The following PLEKHA4 variants were observed in gnomAD, a reference collection of about 807,000 sequenced individuals.
PLEKHA4 encodes the protein pleckstrin homology domain containing A4, also known as pleckstrin homology domain-containing family A member 4.
PLEKHA4 carries 73 observed loss-of-function variants against 94.7 expected under a neutral mutation model. The ratio of observed to expected loss-of-function variants is 0.77; its 90% CI spans 0.64 to 0.94. The LOEUF (loss-of-function observed/expected upper bound fraction) is 0.94. Among genes scored for constraint, PLEKHA4 ranks in the 40% least tolerant of loss-of-function variants. The pLI is 0.00. For missense variants in PLEKHA4, 1,049 were observed against 1,054.1 expected (o/e 1.00, Z 0.07); for synonymous variants, 449 against 437.1 (o/e 1.03, Z -0.34).
rs1369379148 is a variant in PLEKHA4, at chr19:48,856,880, CAGAG to C, written c.1047+538_1047+541del. Among the ~76,000 whole-genome samples, 36 of 106,850 alleles carry C rather than the reference CAGAG, an allele frequency of 3.4e-4. No individual in the cohort carries two copies. The Admixed American group carries it at 5.0e-3, about 15-fold the overall frequency. The allele number at this position is 106,850 out of a possible 152,430, so 70.1% of individuals were successfully genotyped here. On this transcript the variant is annotated intron_variant, in intron 9 of 19. Transcript: ENST00000263265. Reference sequence around the variant, plus strand: ...CACCACTGCACTCCAGCCTGGGCGACAGAGAGAGACCCCGTCTCAAAAAAAAAAA... The same window carrying C: ...CACCACTGCACTCCAGCCTGGGCGACAGAGACCCCGTCTCAAAAAAAAAAA...
Position 48,837,369 on chromosome 19 carries a change from C to T in PLEKHA4, c.2260G>A (p.Ala754Thr). The change falls in exon 20 of 20, where the codon GCC becomes ACC. Residue 754 changes from alanine (A) to threonine (T), a missense_variant. Physicochemically the swap from Ala to Thr is moderately conservative, Grantham distance 58. Coordinates refer to ENST00000263265, the MANE Select transcript of PLEKHA4 (RefSeq NM_020904.3). This position sits in a 1 kb window ranked among gnomAD's most constrained non-coding sequence, Gnocchi z 4.3. ...GPTPWGPAWD[A>T]GIAPPVLPQD... ...GGCAGGACCGGAGGGGCGATCCCGG[C>T]ATCCCACGCGGGCCCCCAGGGGGTG... 3 of 1,613,764 alleles carry T rather than the reference C, an allele frequency of 1.9e-6. No homozygotes were observed. Among genetic ancestry groups the T allele is most frequent in the Non-Finnish European group, 2.5e-6 (3 of 1,179,998 alleles).
At chr19:48,863,531 C>T (rs767316709) in intron 3 of PLEKHA4, among the ~76,000 whole-genome samples, 40 of 151,186 alleles carry the variant, frequency 2.6e-4, no homozygotes, top group Non-Finnish European at 3.8e-4. Flanking sequence ...CCTGGGTTCA[C>T]GCCATTCTCC....
intron 5 of PLEKHA4, among the ~76,000 whole-genome samples, chr19:48,860,836 A>G (rs2036608030): frequency 1.3e-5 from 2 of 151,080 alleles, no homozygotes; most frequent in South Asian, 4.2e-4. Flanking sequence ...AGAGAAAGAA[A>G]GAAAGAGAGA....
At position 48,859,474 on chromosome 19, in the gene PLEKHA4, G is replaced by A. The variant is rs1007468892; in HGVS notation, c.687C>T (p.Ser229=). ...HSGLQMRRAR[S]PDLFTPLSRP... ...ACCATGTCCTCCCTACTCACTCGGG[G>A]CTCCTCGCCCTCCGCATCTGGAGTC... is the stretch of plus-strand genomic sequence containing the variant. Residue 229 remains serine (S), a synonymous_variant, in exon 7 of 20, where the codon AGC becomes AGT. Coordinates refer to ENST00000263265, the MANE Select transcript of PLEKHA4 (RefSeq NM_020904.3). The A allele has an allele frequency of 1.2e-5, 20 of 1,613,708 alleles. No homozygotes were observed. The highest frequency in any genetic ancestry group is 1.6e-5 in the Non-Finnish European group (19 of 1,179,960).
At chr19:48,853,925 A>G (rs188460809) in intron 11 of PLEKHA4, 82 bp downstream of exon 11, 4 of 1,599,484 alleles carry the variant, frequency 2.5e-6, no homozygotes. Flanking sequence ...ACGTCCAGTC[A>G]GCATCCTGAC....
chr19:48,859,044 G>A lies in PLEKHA4; in HGVS notation c.788C>T (p.Thr263Ile), dbSNP rs370399727. ...GGTGTGAGGTCGGGCAGGGGGTGCT[G>A]TGTCTCCTGAGGGGGCAGGGGGTCG... Reference protein sequence around the residue: ...ARRPPAPSGDTAPPARPHTPL... With the variant: ...ARRPPAPSGDIAPPARPHTPL... Residue 263 changes from threonine to isoleucine, a missense_variant, in exon 8 of 20, where the codon ACA becomes ATA. By Grantham distance (89) the Thr-to-Ile change is moderately conservative. Transcript: ENST00000263265. The A allele has an allele frequency of 4.6e-6, 7 of 1,535,334 alleles. No individual in the cohort carries two copies. Among genetic ancestry groups the A allele is most frequent in the East Asian group, 4.8e-5 (2 of 41,580 alleles).
In PLEKHA4 at chr19:48,838,113, G is replaced by C; in HGVS notation, c.1981C>G (p.Pro661Ala). 1 of 1,613,322 alleles carries C rather than the reference G, an allele frequency of 6.2e-7. No homozygotes were observed. The highest frequency in any genetic ancestry group is 2.2e-5 in the East Asian group (1 of 44,860). ...TGACCTTCGGAAGTCGGCAAGTAAG[G>C]GGTGGTGTTCCTTGGACTAGAAAAA... ...GSWSSPRNTT[P>A]YLPTSEGHRE... Residue 661 changes from proline to alanine, a missense_variant, in exon 19 of 20, where the codon CCT (proline) becomes GCT (alanine). Transcript: ENST00000263265.
At chr19:48,859,379 C>G in intron 7 of PLEKHA4, 90 bp downstream of exon 7, 1 of 1,393,098 alleles carries the variant, frequency 7.2e-7, no homozygotes, top group Non-Finnish European at 9.9e-7. Context: ...CACACACACT[C>G]AAGCAGAAAG....
At chr19:48,853,911 C>T (rs1411378494) in intron 11 of PLEKHA4, 80 bp from the exon 12 acceptor site, 1 of 1,594,884 alleles carries the variant, frequency 6.3e-7, no homozygotes, top group African/African-American at 1.4e-5. Context: ...CTTTCACGTC[C>T]TGGACGTCCA....
intron 9 of PLEKHA4, among the ~76,000 whole-genome samples, chr19:48,854,513 C>T (rs776391866): frequency 4.6e-5 from 7 of 151,930 alleles, no homozygotes; most frequent in Admixed American, 6.6e-5. Context: ...GGACCACAGG[C>T]GCACACATCA....
chr19:48,851,502 G>A (rs995408642), intron 13 of PLEKHA4, among the ~76,000 whole-genome samples: 1 of 151,874 alleles, frequency 6.6e-6, no homozygotes, highest in African/African-American at 2.4e-5. Context: ...TGTAATCCCA[G>A]TTACTCAGGA....
intron 2 of PLEKHA4, among the ~76,000 whole-genome samples, chr19:48,866,774 AG>A (rs1318839807): frequency 6.6e-6 from 1 of 152,122 alleles, no homozygotes; most frequent in African/African-American, 2.4e-5. Flanking sequence ...ATGGGCTGGG[AG>A]GGCCCCATAA....
Position 48,863,640 on chromosome 19 carries a change from G to A in PLEKHA4, c.192+1863C>T, listed in dbSNP as rs561427469. Reference sequence around the variant, plus strand: ...TTTTTAGTAGAGATGGGGGTTCACCGTGTTAGCCAGGATGGTCTCGATCTC... The same window carrying A: ...TTTTTAGTAGAGATGGGGGTTCACCATGTTAGCCAGGATGGTCTCGATCTC... On this transcript the variant is annotated intron_variant, in intron 3 of 19. Transcript: ENST00000263265. Among the ~76,000 whole-genome samples the A allele has an allele frequency of 1.3e-4, 19 of 150,462 alleles. No homozygotes were observed. In the South Asian group the frequency reaches 1.9e-3, roughly 15 times the overall value.
Position 48,859,566 on chromosome 19 carries a change from G to A in PLEKHA4, c.595C>T (p.Arg199Ter). ...GGTCTACCACGACCTCTGGAGAGTC[G>A]AGTCACTTCCGGTGATTCTGAGATG... is the stretch of plus-strand genomic sequence containing the variant. ...GRISESPEVTRLSRGRGRPRL... is the reference protein window; with the variant it reads ...GRISESPEVT Residue 199 changes from arginine (R) to a stop codon, truncating the protein, a stop_gained, in exon 7 of 20, where the codon CGA becomes TGA. Transcript: ENST00000263265. LOFTEE classifies it high-confidence loss of function. The A allele has an allele frequency of 6.2e-7, 1 of 1,613,954 alleles. No individual in the cohort carries two copies. The highest frequency in any genetic ancestry group is 8.5e-7 in the Non-Finnish European group (1 of 1,180,016).
At chr19:48,859,257 G>C (rs915584396) in intron 7 of PLEKHA4, 118 bp from the exon 8 acceptor site, 3 of 949,506 alleles carry the variant, frequency 3.2e-6, no homozygotes, top group Non-Finnish European at 4.7e-6. Flanking sequence ...CTGTCCCACT[G>C]GGTTAGAATC....
chr19:48,858,797 C>T (rs777441159), intron 8 of PLEKHA4, 63 bp downstream of exon 8: 7 of 1,582,938 alleles, frequency 4.4e-6, no homozygotes, highest in Non-Finnish European at 5.2e-6. Flanking sequence ...CTTGAGAATA[C>T]GGAAAGACAG....
chr19:48,862,802 C>G (rs966965840), intron 3 of PLEKHA4, among the ~76,000 whole-genome samples: 3 of 152,146 alleles, frequency 2.0e-5, no homozygotes, highest in African/African-American at 7.2e-5. Context: ...CGTGAGCCAC[C>G]GCACCCAGCC....
Position 48,860,379 on chromosome 19 carries a change from GC to G in PLEKHA4, c.446del (p.Gly149AlafsTer35). 1 of 1,614,036 alleles carries G rather than the reference GC, an allele frequency of 6.2e-7. No individual in the cohort carries two copies. The highest frequency in any genetic ancestry group is 8.5e-7 in the Non-Finnish European group (1 of 1,180,016). ...CGTCCCCCTCCGCACGGGAGGCCCG[GC>G]CCAGCGCCCGTAGCCAGCCCCGCAG... is the stretch of plus-strand genomic sequence containing the variant. ...EDLRGWLRAL[G>X]RASRAEGDDY... On this transcript the variant is annotated frameshift_variant, in exon 6 of 20. Transcript: ENST00000263265. LOFTEE classifies it high-confidence loss of function.
intron 16 of PLEKHA4, among the ~76,000 whole-genome samples, chr19:48,842,285 G>A (rs2035799811): frequency 6.6e-6 from 1 of 151,680 alleles, no homozygotes; most frequent in Admixed American, 6.6e-5. Flanking sequence ...CTGGGATTGA[G>A]TAGGTGGCAC....
Sources: gnomAD v4.1 joint callset for allele counts (sites outside exome capture counted in the v4.1 genomes callset) on GRCh38, gnomAD v4.1.1 for gene constraint, Gnocchi (gnomAD v3.1) non-coding constraint, MANE v1.5 for transcripts, NCBI Gene and HGNC (gene_info 2026-07-23, HGNC 2026-07-21) for gene names.